The following TRPC4 variants were observed in gnomAD, a reference collection of about 807,000 sequenced individuals.
The protein encoded by TRPC4 is short transient receptor potential channel 4.
A neutral mutation model predicts 99.4 loss-of-function variants in TRPC4; 49 were observed. The observed-to-expected ratio is 0.49, with a 90% CI of 0.39 to 0.63. TRPC4 has a LOEUF of 0.63. Among genes scored for constraint, TRPC4 ranks in the 20% least tolerant of loss-of-function variants. The pLI is 0.00. For synonymous variants in TRPC4, 454 were observed against 425.9 expected (o/e 1.07, Z -0.81); for missense variants, 898 against 1,152.9 (o/e 0.78, Z 3.20).
Position 37,637,079 on chromosome 13 carries a change from C to G in TRPC4, c.2758G>C (p.Gly920Arg). 1 of 1,613,722 alleles carries G rather than the reference C, an allele frequency of 6.2e-7. No individual in the cohort carries two copies. Among genetic ancestry groups the G allele is most frequent in the Non-Finnish European group, 8.5e-7 (1 of 1,179,790 alleles). Residue 920 changes from glycine (G) to arginine (R), a missense_variant, in exon 11 of 11, where the codon GGG becomes CGG. Gly to Arg is a moderately radical substitution (Grantham distance 125). Transcript: ENST00000379705. ...CACACTCTCTTTCCTACCTGTAACC[C>G]CAGTGTGTCCGTATTCCTTTCTCTA... ...DHRERNTDTL[G>R]LQVGKRVCPF...
chr13:37,826,977 T>C (rs1958243727), intron 1 of TRPC4, among the ~76,000 whole-genome samples: 1 of 152,136 alleles, frequency 6.6e-6, no homozygotes. Flanking sequence ...TGTTTCTTTT[T>C]ATTCTTTTTT....
chr13:37,868,357 A>G (rs1220861669), intron 1 of TRPC4, among the ~76,000 whole-genome samples: 2 of 152,102 alleles, frequency 1.3e-5, no homozygotes, highest in Non-Finnish European at 2.9e-5. Context: ...GGTGAATAAG[A>G]AAGTAGGCGC....
intron 3 of TRPC4, among the ~76,000 whole-genome samples, chr13:37,734,970 G>A (rs1320819327): frequency 6.6e-6 from 1 of 151,932 alleles, no homozygotes; most frequent in Admixed American, 6.6e-5. Context: ...AAGGGAATAG[G>A]GTGTGAAACA....
intron 4 of TRPC4, among the ~76,000 whole-genome samples, chr13:37,681,975 C>T (rs1344428961): frequency 6.6e-6 from 1 of 152,198 alleles, no homozygotes; most frequent in African/African-American, 2.4e-5. Context: ...ACAGTTTTCA[C>T]TCAGGGCTAT....
intron 1 of TRPC4, among the ~76,000 whole-genome samples, chr13:37,812,935 G>T (rs1035054131): frequency 6.6e-6 from 1 of 151,322 alleles, no homozygotes. Context: ...GATAAGCAAC[G>T]ACAACTAACT....
chr13:37,637,015 AC>A lies in TRPC4; in HGVS notation c.2821del (p.Val941PhefsTer3), dbSNP rs1566056991. The A allele has an allele frequency of 6.2e-7, 1 of 1,613,704 alleles. No homozygotes were observed. The highest frequency in any genetic ancestry group is 2.2e-5 in the East Asian group (1 of 44,840). On this transcript the variant is annotated frameshift_variant, in exon 11 of 11. Transcript: ENST00000379705. LOFTEE classifies it high-confidence loss of function. ...KSEKVVVEDTVPIIPKEKHAK... is the reference protein window; with the variant it reads ...KSEKVVVEDTXPIIPKEKHAK... ...ATGTTTCTCCTTTGGTATTATAGGA[AC>A]CGTGTCCTCCACCACCACCTTCTCT...
At chr13:37,837,718 G>C (rs1958604695) in intron 1 of TRPC4, among the ~76,000 whole-genome samples, 1 of 152,172 alleles carries the variant, frequency 6.6e-6, no homozygotes. Context: ...GGACTTTTGA[G>C]TTAATGCTGA....
chr13:37,661,128 G>A (rs913469922), intron 6 of TRPC4, among the ~76,000 whole-genome samples: 1 of 152,162 alleles, frequency 6.6e-6, no homozygotes, highest in Non-Finnish European at 1.5e-5. Context: ...TTTAAGATAT[G>A]TAATTATATG....
At chr13:37,743,503 C>T (rs989059506) in intron 3 of TRPC4, among the ~76,000 whole-genome samples, 1 of 152,010 alleles carries the variant, frequency 6.6e-6, no homozygotes, top group African/African-American at 2.4e-5. Flanking sequence ...TAAGGAAGAA[C>T]ATTTTTAGTG....
intron 1 of TRPC4, among the ~76,000 whole-genome samples, chr13:37,840,824 A>G (rs1266052750): frequency 6.6e-6 from 1 of 151,992 alleles, no homozygotes; most frequent in Non-Finnish European, 1.5e-5. Context: ...TCATCGGAAA[A>G]CAATAAATTT....
chr13:37,806,121 A>G (rs1440285142), intron 1 of TRPC4, among the ~76,000 whole-genome samples: 1 of 152,034 alleles, frequency 6.6e-6, no homozygotes, highest in East Asian at 1.9e-4. Context: ...TACAAACCCA[A>G]GGGACATGTT....
intron 1 of TRPC4, among the ~76,000 whole-genome samples, chr13:37,822,737 G>C (rs1958053355): frequency 6.6e-6 from 1 of 151,904 alleles, no homozygotes; most frequent in African/African-American, 2.4e-5. Flanking sequence ...ACATACGTGT[G>C]CATGTGTCTT....
At chr13:37,753,579 G>A (rs61955522) in intron 2 of TRPC4, among the ~76,000 whole-genome samples, 1,255 of 106,934 alleles carry the variant, frequency 0.012, 15 homozygotes, top group African/African-American at 0.033. Flanking sequence ...GAGAGAAAGA[G>A]AGAGAGAGAG....
chr13:37,715,926 G>T (rs1954648079), intron 3 of TRPC4, among the ~76,000 whole-genome samples: 1 of 152,170 alleles, frequency 6.6e-6, no homozygotes, highest in Non-Finnish European at 1.5e-5. Flanking sequence ...ATACAGCGAA[G>T]TGACTCAGAG....
intron 1 of TRPC4, among the ~76,000 whole-genome samples, chr13:37,791,883 C>T (rs1485013312): frequency 6.6e-6 from 1 of 152,004 alleles, no homozygotes; most frequent in South Asian, 2.1e-4. Context: ...AGGATGCAAT[C>T]TAGGGAATGA....
chr13:37,797,772 G>A (rs530837799), intron 1 of TRPC4, among the ~76,000 whole-genome samples: 3 of 152,200 alleles, frequency 2.0e-5, no homozygotes, highest in South Asian at 2.1e-4. Context: ...AGTAATTACC[G>A]TAGCAACTTA....
At chr13:37,775,086 C>T (rs1041268150) in intron 2 of TRPC4, among the ~76,000 whole-genome samples, 1 of 151,728 alleles carries the variant, frequency 6.6e-6, no homozygotes, top group Non-Finnish European at 1.5e-5. Context: ...AAAATCTTTT[C>T]GACAAAACCC....
intron 1 of TRPC4, among the ~76,000 whole-genome samples, chr13:37,808,138 G>C (rs1469952895): frequency 6.6e-6 from 1 of 151,994 alleles, no homozygotes; most frequent in East Asian, 1.9e-4. Context: ...ATAATGGCCT[G>C]TGCATTCAAA....
chr13:37,669,930 G>A (rs1489534264), intron 5 of TRPC4, among the ~76,000 whole-genome samples: 6 of 152,136 alleles, frequency 3.9e-5, no homozygotes, highest in African/African-American at 1.4e-4. Context: ...CCCCCAGTGT[G>A]ATGGTATTTG....
Sources: gnomAD v4.1 joint callset for allele counts (sites outside exome capture counted in the v4.1 genomes callset) on GRCh38, gnomAD v4.1.1 for gene constraint, MANE v1.5 for transcripts, NCBI Gene and HGNC (gene_info 2026-07-23, HGNC 2026-07-21) for gene names.